The following WDR76 variants were observed in gnomAD, a reference collection of about 807,000 sequenced individuals.
WDR76 encodes WD repeat-containing protein 76.
Under a neutral mutation model 70.2 loss-of-function variants are expected in WDR76, and 52 were observed. The ratio of observed to expected loss-of-function variants is 0.74; its 90% CI spans 0.59 to 0.93. The LOEUF (loss-of-function observed/expected upper bound fraction) is 0.93, where lower values mean the gene tolerates loss of function less well. WDR76 is among the 40% of genes least tolerant of loss of function. WDR76 has a pLI of 0.00. For synonymous variants in WDR76, 292 were observed against 271.1 expected, an observed-to-expected ratio of 1.08 and a Z score of -0.76; for missense variants, 756 against 760.2, an observed-to-expected ratio of 0.99 and a Z score of 0.07.
rs552342212 is a variant in WDR76, at chr15:43,827,867, T to G, written c.61-98T>G. 8.9e-4 allele frequency: 1,153 copies of G among 1,299,378 alleles called. 2 individuals are homozygous for G. Among genetic ancestry groups the G allele is most frequent in the Middle Eastern group, 6.0e-3 (23 of 3,852 alleles). The allele number at this position is 1,299,378 out of a possible 1,614,324, so 80.5% of individuals were successfully genotyped here. A position where few individuals can be genotyped will look rare whatever the true frequency, so the allele number is the denominator to read the frequency against. On this transcript the variant is annotated intron_variant, in intron 1 of 12. Transcript: ENST00000263795. ...GCCTCAATTTGGATTTATATTGTCT[T>G]TGGGAAATGGGAATTATTAGATCTG...
At chr15:43,848,612 C>G (rs537857813) in intron 8 of WDR76, among the ~76,000 whole-genome samples, 1 of 152,124 alleles carries the variant, frequency 6.6e-6, no homozygotes, top group Non-Finnish European at 1.5e-5. Context: ...CACCCTCCAC[C>G]GCCATACAAG....
chr15:43,836,082 G>T (rs2087652149), intron 3 of WDR76, 79 bp from the exon 4 acceptor site: 1 of 1,314,312 alleles, frequency 7.6e-7, no homozygotes, highest in Admixed American at 2.3e-5. Flanking sequence ...TTTAGTGTGG[G>T]TATAGTAGCA....
At chr15:43,866,047 G>A (rs557421329) in intron 12 of WDR76, 81 bp from the exon 13 acceptor site, 4 of 1,497,298 alleles carry the variant, frequency 2.7e-6, no homozygotes, top group Non-Finnish European at 3.6e-6. Flanking sequence ...GCATTTAGGA[G>A]CAATGCCGTC....
intron 9 of WDR76, 109 bp downstream of exon 9, chr15:43,851,354 C>G: frequency 7.0e-7 from 1 of 1,418,636 alleles, no homozygotes; most frequent in Non-Finnish European, 9.6e-7. Flanking sequence ...AGCAGAAGGA[C>G]TTTGAGAACT....
chr15:43,835,027 A>G (rs1054581069), intron 2 of WDR76, 34 bp from the exon 3 acceptor site: 1 of 1,571,908 alleles, frequency 6.4e-7, no homozygotes, highest in African/African-American at 1.4e-5. Flanking sequence ...TAGATTATAT[A>G]AAGTAATGGA....
At chr15:43,833,320 C>CTTT (rs572785012) in intron 2 of WDR76, among the ~76,000 whole-genome samples, 3 of 134,208 alleles carry the variant, frequency 2.2e-5, no homozygotes, top group Admixed American at 7.4e-5. Flanking sequence ...CTTTTCTTTT[C>CTTT]TTTTTTTTTT....
chr15:43,843,750 A>G (rs1360712706), intron 7 of WDR76, 151 bp from the exon 8 acceptor site: 2 of 696,032 alleles, frequency 2.9e-6, no homozygotes, highest in Non-Finnish European at 4.3e-6. Flanking sequence ...GTGAAAGAAT[A>G]TTGCTTAATT....
intron 1 of WDR76, 122 bp downstream of exon 1, chr15:43,827,214 C>A: frequency 8.3e-7 from 1 of 1,202,236 alleles, no homozygotes; most frequent in South Asian, 1.3e-5. Context: ...GGATCCCTGC[C>A]CTTAGGCCTT....
At chr15:43,843,738 A>G (rs1024401896) in intron 7 of WDR76, among the ~76,000 whole-genome samples, 163 bp from the exon 8 acceptor site, 3 of 152,208 alleles carry the variant, frequency 2.0e-5, no homozygotes, top group African/African-American at 7.2e-5. Flanking sequence ...GTAATTTAAA[A>G]AGTGAAAGAA....
intron 4 of WDR76, among the ~76,000 whole-genome samples, chr15:43,837,420 AT>A (rs879564980): frequency 6.6e-6 from 1 of 152,142 alleles, no homozygotes. Context: ...TTACATTTGC[AT>A]TTTTTTATTA....
In WDR76 at chr15:43,867,545, A is replaced by G. The variant is rs2088089117; in HGVS notation, c.*1153A>G. On this transcript the variant is annotated 3_prime_UTR_variant, in exon 13 of 13. Coordinates refer to ENST00000263795, the MANE Select transcript of WDR76 (RefSeq NM_024908.4). ...TTGTTAGGTATATATGTTTATGTGT[A>G]TTCTGATGTAAAATATATATATATA... 6.7e-6 allele frequency: 1 copy of G among 148,352 alleles called. No individual in the cohort carries two copies. The highest frequency in any genetic ancestry group is 2.6e-5 in the African/African-American group (1 of 39,114). 9.2% of individuals were successfully genotyped at this position (148,352 alleles called of 1,614,324 possible). A position where few individuals can be genotyped will look rare whatever the true frequency, so the allele number is the denominator to read the frequency against.
At chr15:43,838,756 A>T (rs2087687960) in intron 4 of WDR76, among the ~76,000 whole-genome samples, 1 of 152,110 alleles carries the variant, frequency 6.6e-6, no homozygotes, top group Admixed American at 6.6e-5. Context: ...TATTTTTATT[A>T]TGAAAAGTGC....
intron 5 of WDR76, among the ~76,000 whole-genome samples, chr15:43,839,949 C>A (rs2087704404): frequency 6.6e-6 from 1 of 152,154 alleles, no homozygotes; most frequent in African/African-American, 2.4e-5. Flanking sequence ...CCCCCTCCTC[C>A]CGTGTTCAAG....
At chr15:43,864,283 G>T (rs1352155360) in intron 12 of WDR76, among the ~76,000 whole-genome samples, 1 of 152,182 alleles carries the variant, frequency 6.6e-6, no homozygotes, top group Non-Finnish European at 1.5e-5. Context: ...TAGTGGGATT[G>T]CTGGATCATA....
At chr15:43,834,233 A>G (rs774125411) in intron 2 of WDR76, among the ~76,000 whole-genome samples, 2 of 152,036 alleles carry the variant, frequency 1.3e-5, no homozygotes, top group Non-Finnish European at 2.9e-5. Context: ...TTTAGGAGAA[A>G]GTAGAGACAT....
chr15:43,844,130 T>A, intron 8 of WDR76, 76 bp downstream of exon 8: 2 of 1,371,018 alleles, frequency 1.5e-6, no homozygotes, highest in African/African-American at 1.5e-5. Context: ...GCTAGAGCCA[T>A]GTGTTTATAA....
In WDR76 at chr15:43,838,021, G is replaced by A. The variant is rs1448665604; in HGVS notation, c.609-1584G>A. On this transcript the variant is annotated intron_variant, in intron 4 of 12. Transcript: ENST00000263795. Reference sequence around the variant, plus strand: ...CTCCCGAGTAACTGGGACTATAGGCGCCCGCCACCACGCCCGGCTAATTTT... The same window carrying A: ...CTCCCGAGTAACTGGGACTATAGGCACCCGCCACCACGCCCGGCTAATTTT... Among the ~76,000 whole-genome samples, 6 of 151,622 alleles carry A rather than the reference G, an allele frequency of 4.0e-5. No homozygotes were observed. In the South Asian group the frequency reaches 8.3e-4, roughly 21 times the overall value.
intron 11 of WDR76, among the ~76,000 whole-genome samples, chr15:43,860,194 G>C (rs952892432): frequency 1.2e-4 from 18 of 152,216 alleles, no homozygotes; most frequent in South Asian, 6.2e-4. Context: ...TTAGTGAGCT[G>C]TGACGGTGCC....
intron 2 of WDR76, among the ~76,000 whole-genome samples, chr15:43,830,511 G>A (rs541866658): frequency 1.4e-5 from 2 of 148,074 alleles, no homozygotes; most frequent in Non-Finnish European, 3.0e-5. Context: ...GCGGTGAGCC[G>A]AGATCGTGCT....
Sources: allele counts gnomAD v4.1 joint callset (sites outside exome capture counted in the v4.1 genomes callset), GRCh38; gene constraint gnomAD v4.1.1; transcripts MANE v1.5; gene names NCBI Gene and HGNC (gene_info 2026-07-23, HGNC 2026-07-21).